Variants in CAMK2A observed in about 807,000 individuals in gnomAD.
CAMK2A encodes calcium/calmodulin-dependent protein kinase type II subunit alpha.
Under a neutral mutation model 79.2 loss-of-function variants are expected in CAMK2A, and 7 were observed. The ratio of observed to expected loss-of-function variants is 0.09; its 90% CI spans 0.05 to 0.17. CAMK2A has a LOEUF of 0.17. CAMK2A is among the 10% of genes least tolerant of loss of function. The probability of loss-of-function intolerance (pLI) is 1.00; values close to 1 mark genes in which losing one functional copy is unlikely to be tolerated. For missense variants in CAMK2A, 214 were observed against 646.4 expected (o/e 0.33, Z 7.25); for synonymous variants, 242 against 251.7 (o/e 0.96, Z 0.36).
chr5:150,259,248 CG>C (rs1756197087), intron 3 of CAMK2A, among the ~76,000 whole-genome samples: 1 of 151,852 alleles, frequency 6.6e-6, no homozygotes, highest in Admixed American at 6.6e-5. Context: ...AGGCCAGGTG[CG>C]GTGGCTCACC....
At chr5:150,231,236 A>G (rs573254630) in intron 16 of CAMK2A, 69 bp downstream of exon 16, 3 of 805,826 alleles carry the variant, frequency 3.7e-6, no homozygotes, top group East Asian at 2.7e-5. Context: ...AGGACCCCCA[A>G]AGTTAGCCAT....
intron 15 of CAMK2A, among the ~76,000 whole-genome samples, chr5:150,235,051 C>A (rs925530589): frequency 1.3e-5 from 2 of 152,158 alleles, no homozygotes; most frequent in African/African-American, 4.8e-5. Flanking sequence ...TCTCTGAGTA[C>A]GTGCACACAA....
chr5:150,256,813 C>G lies in CAMK2A; in HGVS notation c.291G>C (p.Leu97=). Residue 97 remains leucine (L), a synonymous_variant, in exon 5 of 19, where the codon CTG becomes CTC. Transcript: ENST00000671881. The surrounding 1 kb of genome is among the most constrained non-coding windows in gnomAD (Gnocchi z 4.6). ...ACTCCCGGGCCACGATATCTTCAAACAGTTCCCCACCAGTGACCCTGGGGA... is the reference window on the plus strand; with the variant it reads ...ACTCCCGGGCCACGATATCTTCAAAGAGTTCCCCACCAGTGACCCTGGGGA... ...LIFDLVTGGE[L]FEDIVAREYY... is the part of the protein sequence containing the mutation. 1.2e-6 allele frequency: 2 copies of G among 1,614,144 alleles called. No homozygotes were observed. The highest frequency in any genetic ancestry group is 2.7e-5 in the African/African-American group (2 of 75,066).
chr5:150,272,186 A>C (rs947605562), intron 2 of CAMK2A, among the ~76,000 whole-genome samples: 2 of 152,070 alleles, frequency 1.3e-5, no homozygotes, highest in Non-Finnish European at 2.9e-5. Context: ...CCAGAAAGGG[A>C]GGTGGGTATT....
chr5:150,219,774 C>T lies in CAMK2A; in HGVS notation c.*2936G>A, dbSNP rs930006208. 1 of 152,410 alleles carries T rather than the reference C, an allele frequency of 6.6e-6. No homozygotes were observed. Among genetic ancestry groups the T allele is most frequent in the African/African-American group, 2.4e-5 (1 of 41,356 alleles). The allele number at this position is 152,410 out of a possible 1,614,324, so 9.4% of individuals were successfully genotyped here. A position where few individuals can be genotyped will look rare whatever the true frequency, so the allele number is the denominator to read the frequency against. ...AGGAGGCCTTGGGTCAGGATTCGCA[C>T]CATGGTGGGCACAAACCCAGGAGAA... On this transcript the variant is annotated 3_prime_UTR_variant, in exon 19 of 19. Coordinates refer to ENST00000671881, the MANE Select transcript of CAMK2A (RefSeq NM_015981.4).
chr5:150,285,796 TCTC>T (rs1475455415), intron 1 of CAMK2A, among the ~76,000 whole-genome samples: 2 of 152,074 alleles, frequency 1.3e-5, no homozygotes, highest in Non-Finnish European at 2.9e-5. Context: ...TCAAGTAAAA[TCTC>T]CTTCAGAGAC....
At chr5:150,235,821 C>A (rs1049586772) in intron 15 of CAMK2A, among the ~76,000 whole-genome samples, 2 of 152,180 alleles carry the variant, frequency 1.3e-5, no homozygotes, top group Admixed American at 6.5e-5. Context: ...GAAGACTTAA[C>A]AAATTAACAC....
intron 2 of CAMK2A, among the ~76,000 whole-genome samples, chr5:150,267,486 T>C (rs1309531233): frequency 6.6e-6 from 1 of 152,250 alleles, no homozygotes; most frequent in East Asian, 1.9e-4. Context: ...TGTAAACTTG[T>C]ATCTGGTTAC....
At chr5:150,222,916 C>T (rs1015307879) in intron 18 of CAMK2A, 73 bp downstream of exon 18, 20 of 1,488,064 alleles carry the variant, frequency 1.3e-5, no homozygotes, top group Middle Eastern at 1.7e-4. Flanking sequence ...GCAGCTTCCC[C>T]GACGTAACCC....
intron 3 of CAMK2A, 115 bp from the exon 4 acceptor site, chr5:150,257,732 G>T: frequency 1.3e-6 from 1 of 791,068 alleles, no homozygotes. Flanking sequence ...CAGTCACTGA[G>T]TATACACCAG....
chr5:150,283,030 G>A (rs1757278787), intron 1 of CAMK2A, among the ~76,000 whole-genome samples: 1 of 152,238 alleles, frequency 6.6e-6, no homozygotes, highest in Admixed American at 6.5e-5. Flanking sequence ...GACATAAGAT[G>A]TTGGGGAAGG....
intron 15 of CAMK2A, among the ~76,000 whole-genome samples, chr5:150,234,365 T>G (rs1432777522): frequency 6.6e-6 from 1 of 152,214 alleles, no homozygotes; most frequent in Non-Finnish European, 1.5e-5. Context: ...TGGCTTTGGA[T>G]TCTGGCTATG....
rs927515606 is a variant in CAMK2A, at chr5:150,239,715, C to T, written c.1006G>A (p.Val336Ile). 6 of 1,613,984 alleles carry T rather than the reference C, an allele frequency of 3.7e-6. No individual in the cohort carries two copies. Among genetic ancestry groups the T allele is most frequent in the East Asian group, 4.5e-5 (2 of 44,870 alleles). ...CGGCAGACACTCACCATTAACTGAA[C>T]GCTGGAACTGGACTTTCTTTTCTGG... ...GVKKRKSSSSVQLMESSESTN... is the reference protein window; with the variant it reads ...GVKKRKSSSSIQLMESSESTN... Residue 336 changes from valine to isoleucine, a missense_variant, in exon 14 of 19, where the codon GTT becomes ATT. Val to Ile is a conservative substitution (Grantham distance 29). Around this residue, in one of 4 missense-constraint regions of CAMK2A, gnomAD observed 123 missense variants for 242.4 expected, o/e 0.51. Transcript: ENST00000671881.
chr5:150,246,068 T>C (rs73796383), intron 12 of CAMK2A, among the ~76,000 whole-genome samples: 3,791 of 152,230 alleles, frequency 0.025, 167 homozygotes, highest in African/African-American at 0.085. Context: ...GCTCAGGAAA[T>C]GGTAGCCATG....
intron 1 of CAMK2A, among the ~76,000 whole-genome samples, chr5:150,288,827 A>G (rs922553183): frequency 6.6e-6 from 1 of 152,014 alleles, no homozygotes; most frequent in African/African-American, 2.4e-5. Flanking sequence ...CCTTCTCTAC[A>G]CAGCAGTCAT....
chr5:150,231,930 G>A (rs756276014), intron 15 of CAMK2A, among the ~76,000 whole-genome samples: 23 of 152,154 alleles, frequency 1.5e-4, no homozygotes, highest in East Asian at 3.8e-4. Flanking sequence ...TTTGGGTGCC[G>A]ATAGGAATTA....
At chr5:150,246,802 G>C (rs926680179) in intron 12 of CAMK2A, among the ~76,000 whole-genome samples, 1 of 152,210 alleles carries the variant, frequency 6.6e-6, no homozygotes, top group Non-Finnish European at 1.5e-5. Context: ...GGTTACATGG[G>C]CAGGTGGACC....
intron 13 of CAMK2A, among the ~76,000 whole-genome samples, chr5:150,243,913 C>G (rs2114051219): frequency 6.6e-6 from 1 of 152,260 alleles, no homozygotes; most frequent in South Asian, 2.1e-4. Context: ...AGCCCAGAAC[C>G]ATTTAACCTG....
At chr5:150,271,944 C>A (rs1197322111) in intron 2 of CAMK2A, among the ~76,000 whole-genome samples, 1 of 152,186 alleles carries the variant, frequency 6.6e-6, no homozygotes, top group East Asian at 1.9e-4. Flanking sequence ...TGTCGCTGGC[C>A]CAGGACCACT....
Sources: gnomAD v4.1 joint callset for allele counts (sites outside exome capture counted in the v4.1 genomes callset) on GRCh38, gnomAD v4.1.1 for gene constraint, gnomAD v4.1.1 regional missense constraint, Gnocchi (gnomAD v3.1) non-coding constraint, MANE v1.5 for transcripts, NCBI Gene and HGNC (gene_info 2026-07-23, HGNC 2026-07-21) for gene names.